The following JAZF1 variants were observed in gnomAD, a reference collection of about 807,000 sequenced individuals.
The protein encoded by JAZF1 is juxtaposed with another zinc finger protein 1.
A neutral mutation model predicts 26.4 loss-of-function variants in JAZF1; 8 were observed. The observed-to-expected ratio is 0.30, with a 90% confidence interval of 0.18 to 0.55. The LOEUF (loss-of-function observed/expected upper bound fraction) is 0.55. Among genes scored for constraint, JAZF1 ranks in the 20% least tolerant of loss-of-function variants. The pLI, the probability that JAZF1 is intolerant of heterozygous loss-of-function variation, is 0.94. For missense variants in JAZF1, 199 were observed against 322.0 expected (o/e 0.62, Z 2.92); for synonymous variants, 126 against 122.3 (o/e 1.03, Z -0.20).
intron 1 of JAZF1, among the ~76,000 whole-genome samples, chr7:28,164,076 T>C (rs1161963923): frequency 6.6e-6 from 1 of 152,210 alleles, no homozygotes; most frequent in Non-Finnish European, 1.5e-5. Flanking sequence ...GAGAAAACCA[T>C]GTCCCTACTA....
chr7:28,000,814 TCA>T (rs981829768), intron 1 of JAZF1, among the ~76,000 whole-genome samples: 6 of 151,942 alleles, frequency 3.9e-5, no homozygotes, highest in Non-Finnish European at 7.4e-5. Flanking sequence ...AGATGGGGTT[TCA>T]CCATGTTGGC....
chr7:27,981,879 G>C (rs952574838), intron 2 of JAZF1, among the ~76,000 whole-genome samples: 6 of 152,168 alleles, frequency 3.9e-5, no homozygotes, highest in Non-Finnish European at 8.8e-5. Context: ...CTTGATTCAA[G>C]TTCTCTGGTG....
At chr7:27,882,021 A>G (rs2128339680) in intron 3 of JAZF1, among the ~76,000 whole-genome samples, 1 of 152,334 alleles carries the variant, frequency 6.6e-6, no homozygotes, top group African/African-American at 2.4e-5. Flanking sequence ...ATCCAGTCTC[A>G]GGCTGTAAGG....
At chr7:28,093,652 G>A (rs1217435517) in intron 1 of JAZF1, among the ~76,000 whole-genome samples, 3 of 152,128 alleles carry the variant, frequency 2.0e-5, no homozygotes, top group African/African-American at 7.2e-5. Flanking sequence ...CTAAAATCCA[G>A]TCAGCTCTCT....
intron 3 of JAZF1, among the ~76,000 whole-genome samples, chr7:27,863,242 C>A (rs1783413250): frequency 6.6e-6 from 1 of 152,236 alleles, no homozygotes; most frequent in Non-Finnish European, 1.5e-5. Flanking sequence ...TTTTATGACA[C>A]TTGTATGTCT....
chr7:27,895,891 T>A (rs531333698), intron 2 of JAZF1, among the ~76,000 whole-genome samples: 40 of 152,346 alleles, frequency 2.6e-4, no homozygotes, highest in African/African-American at 9.4e-4. Context: ...ACTTTTTTTT[T>A]TAAATTTTTT....
chr7:27,986,047 T>C (rs998803581), intron 2 of JAZF1, among the ~76,000 whole-genome samples: 2 of 152,202 alleles, frequency 1.3e-5, no homozygotes, highest in Admixed American at 1.3e-4. Flanking sequence ...CTTTTAAGAC[T>C]GGCACAAGAC....
intron 1 of JAZF1, among the ~76,000 whole-genome samples, chr7:28,163,808 A>G (rs1783326503): frequency 6.6e-6 from 1 of 152,090 alleles, no homozygotes; most frequent in African/African-American, 2.4e-5. Flanking sequence ...TTTAGGAGAA[A>G]ATTTTTATCT....
intron 1 of JAZF1, among the ~76,000 whole-genome samples, chr7:28,051,189 G>A (rs1262608204): frequency 2.1e-5 from 3 of 143,750 alleles, no homozygotes; most frequent in African/African-American, 7.7e-5. Flanking sequence ...TTTTTTTTAA[G>A]AAACTATTGC....
intron 1 of JAZF1, among the ~76,000 whole-genome samples, chr7:27,998,976 A>G (rs1054556632): frequency 6.6e-6 from 1 of 152,204 alleles, no homozygotes; most frequent in Non-Finnish European, 1.5e-5. Context: ...TTCCCCAAGT[A>G]TAAGATGTAT....
In JAZF1 at chr7:28,055,175, A is replaced by T. The variant is rs558318555; in HGVS notation, c.116-63194T>A. ...CTTTCAGGTGTTTTAAAAAAAAAAAAATTTTTGCAATGACCTGATGTCTCC... is the reference window on the plus strand; with the variant it reads ...CTTTCAGGTGTTTTAAAAAAAAAAATATTTTTGCAATGACCTGATGTCTCC... On this transcript the variant is annotated intron_variant, in intron 1 of 4. Coordinates refer to ENST00000283928, the MANE Select transcript of JAZF1 (RefSeq NM_175061.4). Among the ~76,000 whole-genome samples, 409 of 151,184 alleles carry T rather than the reference A, an allele frequency of 2.7e-3. 1 individual carries two copies. The highest frequency in any genetic ancestry group is 9.4e-3 in the African/African-American group (388 of 41,284).
intron 4 of JAZF1, among the ~76,000 whole-genome samples, chr7:27,839,272 G>A (rs1284573264): frequency 6.6e-6 from 1 of 152,184 alleles, no homozygotes; most frequent in Non-Finnish European, 1.5e-5. Flanking sequence ...GCTTGGCCCT[G>A]GAGAGCAGGC....
In JAZF1 at chr7:27,895,303, G is replaced by A. The variant is rs754765941; in HGVS notation, c.302C>T (p.Pro101Leu). ...AGTAAGGCTTCCACTGCTGTGGCGT[G>A]GGGGAGTGGACACATTCCCTCGAGA... ...SVSRGNVSTP[P>L]RHSSGSLTPP... The change falls in exon 3 of 5, where the codon CCA (proline) becomes CTA (leucine). Residue 101 changes from proline to leucine, a missense_variant. Pro to Leu is a moderately conservative substitution (Grantham distance 98). This residue lies in a region of JAZF1 where 137 missense variants were observed against 184.8 expected (regional missense o/e 0.74). Transcript: ENST00000283928. The A allele has an allele frequency of 2.5e-6, 4 of 1,608,716 alleles. No homozygotes were observed. In the African/African-American group the frequency reaches 4.0e-5, roughly 16 times the overall value.
At chr7:27,904,126 T>C (rs1322411217) in intron 2 of JAZF1, among the ~76,000 whole-genome samples, 3 of 152,166 alleles carry the variant, frequency 2.0e-5, no homozygotes, top group African/African-American at 7.2e-5. Context: ...AGGACAAGGA[T>C]GGATAGAGAA....
intron 1 of JAZF1, among the ~76,000 whole-genome samples, chr7:28,172,854 A>G (rs1241242569): frequency 6.6e-6 from 1 of 152,224 alleles, no homozygotes; most frequent in Non-Finnish European, 1.5e-5. Flanking sequence ...TGTGAACTGC[A>G]TAAATACATC....
At chr7:27,846,440 G>A (rs1443250731) in intron 3 of JAZF1, 2 of 451,952 alleles carry the variant, frequency 4.4e-6, no homozygotes, top group Non-Finnish European at 9.2e-6. Flanking sequence ...CAGATTCTTG[G>A]TGCATTCATC....
intron 2 of JAZF1, among the ~76,000 whole-genome samples, chr7:27,915,756 C>T (rs998684643): frequency 6.6e-6 from 1 of 152,062 alleles, no homozygotes; most frequent in African/African-American, 2.4e-5. Flanking sequence ...AAAATCATCC[C>T]ACTGAAAAGG....
chr7:28,060,311 T>A (rs2128382354), intron 1 of JAZF1, among the ~76,000 whole-genome samples: 1 of 152,336 alleles, frequency 6.6e-6, no homozygotes, highest in Middle Eastern at 3.4e-3. Context: ...GTACCTGAAG[T>A]CTTTGCAGGT....
At chr7:28,084,011 C>T (rs779759380) in intron 1 of JAZF1, among the ~76,000 whole-genome samples, 2 of 151,978 alleles carry the variant, frequency 1.3e-5, no homozygotes, top group African/African-American at 2.4e-5. Flanking sequence ...CCAGGATTAT[C>T]GAATGAGGGC....
Sources: gnomAD v4.1 joint callset for allele counts (sites outside exome capture counted in the v4.1 genomes callset) on GRCh38, gnomAD v4.1.1 for gene constraint, gnomAD v4.1.1 regional missense constraint, MANE v1.5 for transcripts, NCBI Gene and HGNC (gene_info 2026-07-23, HGNC 2026-07-21) for gene names.